CAST: variants seen among roughly 807,000 people sequenced by gnomAD.
CAST encodes the protein calpastatin.
A neutral mutation model predicts 119.6 loss-of-function variants in CAST; 76 were observed. The ratio of observed to expected loss-of-function variants is 0.64; its 90% CI spans 0.53 to 0.77. The LOEUF (loss-of-function observed/expected upper bound fraction) is 0.77. CAST is among the 30% of genes least tolerant of loss of function. CAST has a pLI of 0.00. For synonymous variants in CAST, 319 were observed against 331.6 expected (o/e 0.96, Z 0.41); for missense variants, 953 against 946.5 (o/e 1.01, Z -0.09).
At chr5:96,283,137 A>AAAAAGAAAAAG in the CAST span, among the ~76,000 whole-genome samples, 3 of 132,988 alleles carry the variant, frequency 2.3e-5, no homozygotes, top group Admixed American at 7.9e-5. Flanking sequence ...CTCAAAAAAA[A>AAAAAGAAAAAG]AAAAAAAAGA....
At chr5:96,210,383 G>A in the CAST span, among the ~76,000 whole-genome samples, 1 of 151,896 alleles carries the variant, frequency 6.6e-6, no homozygotes, top group African/African-American at 2.4e-5. Flanking sequence ...GTATGTTGAG[G>A]TTCATATTTA....
Position 96,743,861 on chromosome 5 carries a change from C to T in CAST, c.1200+1105C>T. The stretch of plus-strand genomic sequence containing the variant: ...AGGAAAGCGGGGTGTTGGCAGAATC[C>T]TGGGGGGAGTCAGGAGGCCAAGCTG... On this transcript the variant is annotated intron_variant, in intron 16 of 31. Transcript: ENST00000675179. The T allele has an allele frequency of 4.2e-6, 3 of 720,996 alleles. No individual in the cohort carries two copies. In the South Asian group the frequency reaches 5.7e-5, roughly 14 times the overall value. 44.7% of individuals were successfully genotyped at this position (720,996 alleles called of 1,614,324 possible).
intron 1 of CAST, among the ~76,000 whole-genome samples, chr5:96,550,207 A>G (rs1746101074): frequency 6.6e-6 from 1 of 152,232 alleles, no homozygotes; most frequent in Non-Finnish European, 1.5e-5. Context: ...TGAAGCCTCC[A>G]GAGAAAGGAT....
chr5:96,565,108 AGTATC>A (rs1746444109), intron 1 of CAST, among the ~76,000 whole-genome samples: 1 of 88,914 alleles, frequency 1.1e-5, no homozygotes, highest in East Asian at 2.6e-4. Context: ...GTGTGTGTAA[AGTATC>A]AGAGTGGACA....
chr5:96,704,258 AAAG>A (rs1754494660), intron 3 of CAST, among the ~76,000 whole-genome samples: 1 of 152,232 alleles, frequency 6.6e-6, no homozygotes, highest in South Asian at 2.1e-4. Flanking sequence ...AGATGCTTTG[AAAG>A]AAGAGTCCGA....
At chr5:96,292,546 C>T in the CAST span, among the ~76,000 whole-genome samples, 1 of 152,258 alleles carries the variant, frequency 6.6e-6, no homozygotes, top group East Asian at 1.9e-4. Context: ...AAGGTTGTGA[C>T]TTTGAGATTA....
intron 16 of CAST, among the ~76,000 whole-genome samples, chr5:96,744,355 A>G (rs1044118829): frequency 1.3e-5 from 2 of 152,232 alleles, no homozygotes. Context: ...AAAGTGAATG[A>G]GGAGCAAAGT....
At chr5:96,237,153 G>A in the CAST span, among the ~76,000 whole-genome samples, 28 of 152,134 alleles carry the variant, frequency 1.8e-4, no homozygotes, top group Non-Finnish European at 3.5e-4. Context: ...AAACCAAAAT[G>A]GATTCAGGTC....
At chr5:96,540,470 A>G (rs1252941648) in intron 1 of CAST, among the ~76,000 whole-genome samples, 3 of 152,144 alleles carry the variant, frequency 2.0e-5, no homozygotes, top group Admixed American at 2.0e-4. Flanking sequence ...TTTTAGATTT[A>G]TAGAAAAAAT....
Position 96,765,326 on chromosome 5 carries a change from G to A in CAST, c.2037+1G>A. On this transcript the variant is annotated splice_donor_variant, in intron 26 of 31. Coordinates refer to ENST00000675179, the MANE Select transcript of CAST (RefSeq NM_001750.7). LOFTEE classifies it high-confidence loss of function. ...CAAACCAATGGAAGATAAAGTAAAG[G>A]TAAAAAAAAAAAAAAAAAAAAAAAA... The A allele has an allele frequency of 7.5e-6, 3 of 402,488 alleles. No individual in the cohort carries two copies. The highest frequency in any genetic ancestry group is 7.0e-5 in the African/African-American group (1 of 14,300). The allele number at this position is 402,488 out of a possible 1,614,324, so 24.9% of individuals were successfully genotyped here.
the CAST span, among the ~76,000 whole-genome samples, chr5:95,978,954 CTTAA>C: frequency 3.3e-5 from 5 of 152,062 alleles, no homozygotes; most frequent in African/African-American, 1.2e-4. Context: ...ATTAACACTC[CTTAA>C]ATGTGGGAAA....
chr5:96,453,746 T>C, the CAST span, among the ~76,000 whole-genome samples: 1 of 152,242 alleles, frequency 6.6e-6, no homozygotes, highest in Admixed American at 6.5e-5. Context: ...AAAATGTTGA[T>C]ATATTGATCT....
At chr5:96,335,006 T>A in the CAST span, among the ~76,000 whole-genome samples, 2 of 152,160 alleles carry the variant, frequency 1.3e-5, no homozygotes, top group Non-Finnish European at 2.9e-5. Context: ...ATGCATTGTC[T>A]CCTTTTGTTC....
the CAST span, among the ~76,000 whole-genome samples, chr5:96,379,823 A>G: frequency 2.0e-5 from 3 of 152,218 alleles, no homozygotes; most frequent in Non-Finnish European, 4.4e-5. Context: ...GTTAAAGATC[A>G]GAGGTGTAGC....
the CAST span, among the ~76,000 whole-genome samples, chr5:96,072,874 T>G: frequency 6.6e-6 from 1 of 152,256 alleles, no homozygotes; most frequent in Non-Finnish European, 1.5e-5. Context: ...CAAGCGATTC[T>G]AGTCAAAATC....
chr5:96,423,360 G>C, the CAST span: 1 of 1,613,538 alleles, frequency 6.2e-7, no homozygotes, highest in Non-Finnish European at 8.5e-7. Context: ...CCATCATCCA[G>C]TACGGTGATA....
the CAST span, among the ~76,000 whole-genome samples, chr5:96,203,708 A>G: frequency 6.6e-6 from 1 of 152,006 alleles, no homozygotes; most frequent in Non-Finnish European, 1.5e-5. Context: ...TCCTGCCTAA[A>G]CTCATGGATC....
At chr5:96,253,622 A>C in the CAST span, among the ~76,000 whole-genome samples, 3 of 152,064 alleles carry the variant, frequency 2.0e-5, no homozygotes, top group Non-Finnish European at 4.4e-5. Context: ...TGTCTCATCT[A>C]GTTTGCACAA....
chr5:96,347,248 G>A, the CAST span, among the ~76,000 whole-genome samples: 1 of 152,242 alleles, frequency 6.6e-6, no homozygotes. Flanking sequence ...ACTCCCTAAT[G>A]GACATTAATG....
Sources: gnomAD v4.1 joint callset for allele counts (sites outside exome capture counted in the v4.1 genomes callset) on GRCh38, gnomAD v4.1.1 for gene constraint, MANE v1.5 for transcripts, NCBI Gene and HGNC (gene_info 2026-07-23, HGNC 2026-07-21) for gene names.